GATAD2A: variants seen among roughly 807,000 people sequenced by gnomAD.
The protein encoded by GATAD2A is GATA zinc finger domain containing 2A.
Under a neutral mutation model 68.5 loss-of-function variants are expected in GATAD2A, and 12 were observed. That is an observed-to-expected ratio of 0.18 (90% confidence interval 0.11 to 0.28). The LOEUF is 0.28. Among genes scored for constraint, GATAD2A ranks in the 10% least tolerant of loss-of-function variants. GATAD2A has a pLI of 1.00. For synonymous variants in GATAD2A, 410 were observed against 375.3 expected (o/e 1.09, Z -1.07); for missense variants, 755 against 868.5 (o/e 0.87, Z 1.64).
chr19:19,481,533 C>T (rs1053074482), intron 2 of GATAD2A, among the ~76,000 whole-genome samples: 1 of 152,062 alleles, frequency 6.6e-6, no homozygotes, highest in Non-Finnish European at 1.5e-5. Context: ...ACTGTGTTGC[C>T]CAGGCTGGTC....
rs553035500 is a variant in GATAD2A, at chr19:19,482,977, C to T, written c.270-9329C>T. Among the ~76,000 whole-genome samples, 9 of 152,174 alleles carry T rather than the reference C, an allele frequency of 5.9e-5. No homozygotes were observed. In the East Asian group the frequency reaches 1.2e-3, roughly 20 times the overall value. ...CCTCAGCCAAGCTATTCTGCACGCC[C>T]CCGAGACTGGCCCCTGTCACAGTGA... On this transcript the variant is annotated intron_variant, in intron 2 of 11. Coordinates refer to ENST00000683918, the MANE Select transcript of GATAD2A (RefSeq NM_001384528.1).
At chr19:19,473,449 A>C (rs117548341) in intron 2 of GATAD2A, among the ~76,000 whole-genome samples, 1 of 152,200 alleles carries the variant, frequency 6.6e-6, no homozygotes, top group Non-Finnish European at 1.5e-5. Context: ...ACCAGTCGCA[A>C]TTGGTGACAC....
chr19:19,396,648 G>A (rs1054670171), intron 1 of GATAD2A, among the ~76,000 whole-genome samples: 2 of 152,194 alleles, frequency 1.3e-5, no homozygotes, highest in Non-Finnish European at 2.9e-5. Context: ...CTCTTAAAGT[G>A]CTGGGATTTC....
intron 11 of GATAD2A, among the ~76,000 whole-genome samples, chr19:19,504,088 G>A (rs1160815346): frequency 6.6e-6 from 1 of 152,148 alleles, no homozygotes; most frequent in South Asian, 2.1e-4. Flanking sequence ...TGTGGTCCCA[G>A]CTACTCAGCC....
intron 2 of GATAD2A, chr19:19,473,952 A>G (rs1209304922): frequency 5.4e-6 from 4 of 742,420 alleles, no homozygotes; most frequent in Non-Finnish European, 6.6e-6. Context: ...TCTCAAAAAA[A>G]CAAAAACAAC....
chr19:19,470,226 G>T (rs1447383996), intron 2 of GATAD2A, among the ~76,000 whole-genome samples: 1 of 144,132 alleles, frequency 6.9e-6, no homozygotes, highest in Non-Finnish European at 1.5e-5. Flanking sequence ...TCTCCACCTC[G>T]TGGGTTTCAG....
At chr19:19,430,945 G>A (rs1376552121) in intron 1 of GATAD2A, among the ~76,000 whole-genome samples, 3 of 150,134 alleles carry the variant, frequency 2.0e-5, no homozygotes, top group Non-Finnish European at 4.4e-5. Context: ...AGTTTGAGAA[G>A]TCCTTGTGTT....
intron 2 of GATAD2A, among the ~76,000 whole-genome samples, chr19:19,473,128 G>A (rs1205017932): frequency 1.3e-5 from 2 of 152,144 alleles, no homozygotes; most frequent in Non-Finnish European, 2.9e-5. Flanking sequence ...AGTTGTCCCC[G>A]TTAGTGGTGT....
Position 19,480,293 on chromosome 19 carries a change from C to T in GATAD2A, c.270-12013C>T, listed in dbSNP as rs977312372. Among the ~76,000 whole-genome samples the T allele has an allele frequency of 1.6e-4, 25 of 152,334 alleles. 1 individual carries two copies. The highest frequency in any genetic ancestry group is 6.5e-4 in the Admixed American group (10 of 15,302). ...ATAGTAGTTTACTGGGTTATAGAGA[C>T]GTTTCAGATACACATATCATCATTT... is the stretch of plus-strand genomic sequence containing the variant. On this transcript the variant is annotated intron_variant, in intron 2 of 11. Coordinates refer to ENST00000683918, the MANE Select transcript of GATAD2A (RefSeq NM_001384528.1).
At chr19:19,455,720 C>T (rs1437177702) in intron 1 of GATAD2A, among the ~76,000 whole-genome samples, 2 of 152,132 alleles carry the variant, frequency 1.3e-5, no homozygotes, top group African/African-American at 2.4e-5. Context: ...GGAATTTTGG[C>T]ATCCCGGGAG....
intron 1 of GATAD2A, among the ~76,000 whole-genome samples, chr19:19,408,567 A>G (rs1411659371): frequency 6.6e-6 from 1 of 152,130 alleles, no homozygotes; most frequent in Non-Finnish European, 1.5e-5. Context: ...CATGTTTTAA[A>G]TACTCTAATT....
At chr19:19,463,811 C>T (rs913866580) in intron 1 of GATAD2A, among the ~76,000 whole-genome samples, 1 of 152,180 alleles carries the variant, frequency 6.6e-6, no homozygotes, top group Non-Finnish European at 1.5e-5. Flanking sequence ...GCCCGGGTGC[C>T]CTGGCTGGAC....
At chr19:19,465,733 C>T in intron 2 of GATAD2A, 119 bp downstream of exon 2, 2 of 1,209,910 alleles carry the variant, frequency 1.7e-6, no homozygotes, top group South Asian at 1.5e-5. Flanking sequence ...GTGGAGAGGG[C>T]TGTAGGCTCA....
At chr19:19,413,346 G>A (rs1043388544) in intron 1 of GATAD2A, among the ~76,000 whole-genome samples, 10 of 152,176 alleles carry the variant, frequency 6.6e-5, no homozygotes, top group African/African-American at 1.2e-4. Flanking sequence ...TGAAGGCATC[G>A]ATTGAATTGG....
At chr19:19,487,048 C>T (rs1352231375) in intron 2 of GATAD2A, among the ~76,000 whole-genome samples, 1 of 152,230 alleles carries the variant, frequency 6.6e-6, no homozygotes, top group Non-Finnish European at 1.5e-5. Context: ...AGCTACTCCA[C>T]AGGAGCATGC....
intron 1 of GATAD2A, among the ~76,000 whole-genome samples, chr19:19,388,835 C>T (rs1217158025): frequency 6.6e-6 from 1 of 152,038 alleles, no homozygotes; most frequent in African/African-American, 2.4e-5. Flanking sequence ...TCATCTCTTC[C>T]TGTTGCATTT....
At position 19,508,833 on chromosome 19, in the gene GATAD2A, T is replaced by C. The variant is rs2060976478; in HGVS notation, c.*3359T>C. The C allele has an allele frequency of 6.6e-6, 1 of 152,228 alleles. No homozygotes were observed. Among genetic ancestry groups the C allele is most frequent in the Non-Finnish European group, 1.5e-5 (1 of 68,054 alleles). 9.4% of individuals were successfully genotyped at this position (152,228 alleles called of 1,614,324 possible). On this transcript the variant is annotated 3_prime_UTR_variant, in exon 12 of 12. Transcript: ENST00000683918. Reference sequence around the variant, plus strand: ...AGAAATGTTTGCCACCAGATGGGAATAGAAGTTCCAATAAGCAGGCTGGAA... The same window carrying C: ...AGAAATGTTTGCCACCAGATGGGAACAGAAGTTCCAATAAGCAGGCTGGAA...
intron 1 of GATAD2A, among the ~76,000 whole-genome samples, chr19:19,418,500 G>C (rs2051931155): frequency 6.6e-6 from 1 of 152,354 alleles, no homozygotes; most frequent in South Asian, 2.1e-4. Flanking sequence ...GACTTAGCCT[G>C]AGAAAGATCT....
chr19:19,433,026 C>A (rs1277294467), intron 1 of GATAD2A, among the ~76,000 whole-genome samples: 3 of 152,138 alleles, frequency 2.0e-5, no homozygotes, highest in Non-Finnish European at 2.9e-5. Context: ...TGGAGTCTGC[C>A]CAAGGGGACA....
Sources: allele counts gnomAD v4.1 joint callset (sites outside exome capture counted in the v4.1 genomes callset), GRCh38; gene constraint gnomAD v4.1.1; transcripts MANE v1.5; gene names NCBI Gene and HGNC (gene_info 2026-07-23, HGNC 2026-07-21).